Variants in ANKRD26 observed in about 807,000 individuals in gnomAD.
ANKRD26 encodes the protein ankyrin repeat domain-containing protein 26.
A neutral mutation model predicts 208.7 loss-of-function variants in ANKRD26; 141 were observed. The observed-to-expected ratio is 0.68, with a 90% CI of 0.59 to 0.78. ANKRD26 has a LOEUF of 0.78. Among genes scored for constraint, ANKRD26 ranks in the 30% least tolerant of loss-of-function variants. ANKRD26 has a pLI of 0.00. For synonymous variants in ANKRD26, 636 were observed against 660.4 expected (o/e 0.96, Z 0.57); for missense variants, 1,889 against 1,938.7 (o/e 0.97, Z 0.48).
chr10:27,038,073 A>C lies in ANKRD26; in HGVS notation c.2376-19T>G. The C allele has an allele frequency of 6.3e-7, 1 of 1,585,084 alleles. No individual in the cohort carries two copies. Among genetic ancestry groups the C allele is most frequent in the Non-Finnish European group, 8.6e-7 (1 of 1,162,158 alleles). On this transcript the variant is annotated intron_variant, in intron 21 of 33. Transcript: ENST00000376087. ...GCTAAATCTGCAGTTAAATATGTTTATCTTAAAATCTGTATTGTTACAAAA... is the reference window on the plus strand; with the variant it reads ...GCTAAATCTGCAGTTAAATATGTTTCTCTTAAAATCTGTATTGTTACAAAA...
In ANKRD26 at chr10:27,067,305, A is replaced by G. The variant is rs1328204594; in HGVS notation, c.1078-19T>C. On this transcript the variant is annotated intron_variant, in intron 9 of 33. Coordinates refer to ENST00000376087, the MANE Select transcript of ANKRD26 (RefSeq NM_014915.3). ...GTTCTTCCTATTAAAAACAAAAACA[A>G]ACAAACAAAAAACTTCAGAAAACAC... 4 of 1,610,554 alleles carry G rather than the reference A, an allele frequency of 2.5e-6. No individual in the cohort carries two copies. The highest frequency in any genetic ancestry group is 1.3e-5 in the African/African-American group (1 of 74,944).
Position 27,100,474 on chromosome 10 carries a change from G to A in ANKRD26, c.-148C>T. On this transcript the variant is annotated 5_prime_UTR_variant, in exon 1 of 34. Transcript: ENST00000376087. ...CCAATCTCTCCCTCCGGGTTACCAA[G>A]CAAGCGATCCCGCTAGACACAAGTG... 1.6e-6 allele frequency: 2 copies of A among 1,223,086 alleles called. No homozygotes were observed. Among genetic ancestry groups the A allele is most frequent in the South Asian group, 1.5e-5 (1 of 66,594 alleles). 75.8% of individuals were successfully genotyped at this position (1,223,086 alleles called of 1,614,324 possible).
At chr10:27,017,440 T>C in intron 30 of ANKRD26, 62 bp downstream of exon 30, 16 of 1,556,554 alleles carry the variant, frequency 1.0e-5, no homozygotes, top group Non-Finnish European at 1.4e-5. Flanking sequence ...ACACATATAA[T>C]GTATATATCC....
At chr10:27,052,230 A>C in intron 16 of ANKRD26, 1 of 952,028 alleles carries the variant, frequency 1.1e-6, no homozygotes, top group Non-Finnish European at 1.3e-6. Context: ...GTTACTCCCA[A>C]ATCACTGGAT....
the ANKRD26 span, among the ~76,000 whole-genome samples, chr10:26,966,526 G>A: frequency 6.6e-6 from 1 of 152,048 alleles, no homozygotes; most frequent in African/African-American, 2.4e-5. Flanking sequence ...GGGTCAATAG[G>A]TGCAGCAAAC....
chr10:27,099,944 G>T (rs1169098882), intron 1 of ANKRD26, 141 bp downstream of exon 1: 4 of 1,341,390 alleles, frequency 3.0e-6, no homozygotes, highest in Non-Finnish European at 4.2e-6. Flanking sequence ...GGGCGCTGGA[G>T]CCCTGCAAGG....
chr10:27,096,481 T>C (rs1294575619), intron 1 of ANKRD26, among the ~76,000 whole-genome samples: 1 of 152,150 alleles, frequency 6.6e-6, no homozygotes, highest in Non-Finnish European at 1.5e-5. Context: ...ATATCAACTC[T>C]GGCCTGGTGC....
At chr10:27,059,563 C>CA (rs2054973164) in intron 15 of ANKRD26, among the ~76,000 whole-genome samples, 1 of 152,072 alleles carries the variant, frequency 6.6e-6, no homozygotes, top group African/African-American at 2.4e-5. Flanking sequence ...ACCCCAAAGT[C>CA]AAAAAGTTTC....
At position 27,100,200 on chromosome 10, in the gene ANKRD26, G is replaced by A. The variant is rs958532754; in HGVS notation, c.127C>T (p.Arg43Ter). The A allele has an allele frequency of 3.1e-6, 5 of 1,613,718 alleles. No individual in the cohort carries two copies. Among genetic ancestry groups the A allele is most frequent in the Admixed American group, 1.7e-5 (1 of 60,026 alleles). ...TGGATCTTGCCGAGATCTCGGTCTC[G>A]GACGTGGTAGCCGGGCTGCGAGTAG... The part of the protein sequence containing the change: ...GAYSQPGYHV[R>*]DRDLGKIHKA... Residue 43 changes from arginine to a stop codon, truncating the protein, a stop_gained, in exon 1 of 34, where the codon CGA becomes TGA. Coordinates refer to ENST00000376087, the MANE Select transcript of ANKRD26 (RefSeq NM_014915.3). LOFTEE classifies it high-confidence loss of function.
At chr10:27,083,635 G>A (rs1440655964) in intron 5 of ANKRD26, among the ~76,000 whole-genome samples, 1 of 152,190 alleles carries the variant, frequency 6.6e-6, no homozygotes, top group Non-Finnish European at 1.5e-5. Context: ...ACCATGGATG[G>A]TGAGAACCTC....
At chr10:26,996,540 C>A (rs2052597394) in intron 4 of ANKRD26, among the ~76,000 whole-genome samples, 2 of 152,208 alleles carry the variant, frequency 1.3e-5, no homozygotes, top group Admixed American at 1.3e-4. Context: ...AGCCTAGCAA[C>A]AGAGCAAGAC....
At position 27,037,976 on chromosome 10, in the gene ANKRD26, T is replaced by C. The variant is rs754947868; in HGVS notation, c.2454A>G (p.Arg818=). The change falls in exon 22 of 34, where the codon AGA becomes AGG. Residue 818 remains arginine (R), a synonymous_variant. Coordinates refer to ENST00000376087, the MANE Select transcript of ANKRD26 (RefSeq NM_014915.3). The stretch of plus-strand genomic sequence containing the variant: ...CTTCTTTCCTATATTGCTCTTCTTT[T>C]CTTCTTAACTGTTCCCTAATTTTTT... The part of the protein sequence containing the change: ...LYEKIREQLR[R]KEEQYRKEVE... The C allele has an allele frequency of 9.9e-6, 16 of 1,613,082 alleles. No homozygotes were observed. The highest frequency in any genetic ancestry group is 1.4e-5 in the Non-Finnish European group (16 of 1,179,746).
intron 9 of ANKRD26, among the ~76,000 whole-genome samples, chr10:27,075,621 C>G (rs1008469881): frequency 6.6e-6 from 1 of 152,068 alleles, no homozygotes; most frequent in Non-Finnish European, 1.5e-5. Flanking sequence ...CTAAGAAAAC[C>G]TAAGAAAAGA....
intron 32 of ANKRD26, among the ~76,000 whole-genome samples, chr10:27,012,017 C>A (rs940761050): frequency 6.6e-6 from 1 of 152,220 alleles, no homozygotes; most frequent in Middle Eastern, 3.4e-3. Context: ...AATGACAAAA[C>A]TTAAAAATAC....
intron 25 of ANKRD26, 53 bp from the exon 26 acceptor site, chr10:27,029,409 GT>G: frequency 2.6e-6 from 4 of 1,528,522 alleles, no homozygotes; most frequent in Non-Finnish European, 3.6e-6. Context: ...GTACACATCT[GT>G]CCATTACCTG....
chr10:26,987,562 C>T (rs549345461), downstream of ANKRD26, among the ~76,000 whole-genome samples: 1 of 152,272 alleles, frequency 6.6e-6, no homozygotes, highest in South Asian at 2.1e-4. Flanking sequence ...ACCAGTCTAT[C>T]TCAGCATTAT....
chr10:26,959,329 T>A, the ANKRD26 span, among the ~76,000 whole-genome samples: 1 of 147,586 alleles, frequency 6.8e-6, no homozygotes, highest in African/African-American at 2.5e-5. Flanking sequence ...AGAGGCGAAA[T>A]GAACGTAGTG....
chr10:27,088,934 C>T (rs144229994), intron 4 of ANKRD26, among the ~76,000 whole-genome samples: 1 of 152,214 alleles, frequency 6.6e-6, no homozygotes, highest in African/African-American at 2.4e-5. Context: ...GTGGAAGGGT[C>T]AATTTGCTCA....
chr10:27,055,716 T>C (rs1329053465), intron 15 of ANKRD26, among the ~76,000 whole-genome samples: 1 of 152,212 alleles, frequency 6.6e-6, no homozygotes, highest in Non-Finnish European at 1.5e-5. Flanking sequence ...ACAGACTATG[T>C]GTACACAGCT....
Sources: gnomAD v4.1 joint callset for allele counts (sites outside exome capture counted in the v4.1 genomes callset) on GRCh38, gnomAD v4.1.1 for gene constraint, MANE v1.5 for transcripts, NCBI Gene and HGNC (gene_info 2026-07-23, HGNC 2026-07-21) for gene names.